Variants in HDAC9 observed in about 807,000 individuals in gnomAD.
HDAC9 encodes histone deacetylase 9, also known as MEF-2 interacting transcription repressor (MITR) protein.
In HDAC9, 41 loss-of-function variants were observed where a neutral mutation model predicts 139.4. The observed-to-expected ratio is 0.29, with a 90% CI of 0.23 to 0.38. The LOEUF (loss-of-function observed/expected upper bound fraction) is 0.38, where lower values mean the gene tolerates loss of function less well. Ranked by LOEUF, HDAC9 falls within the 10% of genes least tolerant of loss-of-function variation. HDAC9 has a pLI of 1.00. For missense variants in HDAC9, 1,147 were observed against 1,297.0 expected, an observed-to-expected ratio of 0.88 and a Z score of 1.78; for synonymous variants, 517 against 476.2, an observed-to-expected ratio of 1.09 and a Z score of -1.12.
At chr7:18,580,679 C>T (rs949589172) in intron 2 of HDAC9, among the ~76,000 whole-genome samples, 8 of 152,124 alleles carry the variant, frequency 5.3e-5, no homozygotes, top group African/African-American at 1.9e-4. Flanking sequence ...GCCACCTGTT[C>T]TAAGTAATTT....
chr7:18,743,060 T>C (rs1787602442), intron 13 of HDAC9, among the ~76,000 whole-genome samples: 1 of 152,222 alleles, frequency 6.6e-6, no homozygotes, highest in South Asian at 2.1e-4. Flanking sequence ...ATATCCGTAG[T>C]ATATTCTCAA....
chr7:18,241,473 A>G (rs541167446), intron 2 of HDAC9, among the ~76,000 whole-genome samples: 4 of 152,242 alleles, frequency 2.6e-5, no homozygotes, highest in Admixed American at 1.3e-4. Context: ...AGCTGTTTCT[A>G]TGAAGTAATC....
chr7:18,497,222 A>T (rs1400613140), intron 2 of HDAC9, among the ~76,000 whole-genome samples: 1 of 152,086 alleles, frequency 6.6e-6, no homozygotes, highest in Non-Finnish European at 1.5e-5. Flanking sequence ...GAATGTTTCA[A>T]CCTAAAATTG....
chr7:18,644,883 T>C (rs1259136824), intron 9 of HDAC9, 90 bp downstream of exon 9: 2 of 1,334,880 alleles, frequency 1.5e-6, no homozygotes, highest in South Asian at 1.7e-5. Context: ...ATTTAGACTT[T>C]AGAAAAACTT....
intron 17 of HDAC9, among the ~76,000 whole-genome samples, chr7:18,822,266 C>G (rs536504385): frequency 2.0e-5 from 3 of 152,294 alleles, no homozygotes; most frequent in Admixed American, 6.5e-5. Flanking sequence ...GAGCCCCCAG[C>G]CCCCAGTCAT....
Position 18,997,261 on chromosome 7 carries a change from C to G in HDAC9, c.*1199C>G, listed in dbSNP as rs55751905. ...TGAAGGCACTGCTTATTTGTAGTCA[C>G]CTTGAACTGACTTAACCTAGAAGCT... On this transcript the variant is annotated 3_prime_UTR_variant, in exon 26 of 26. Transcript: ENST00000686413. 6.6e-6 allele frequency: 1 copy of G among 151,132 alleles called. No individual in the cohort carries two copies. Among genetic ancestry groups the G allele is most frequent in the African/African-American group, 2.4e-5 (1 of 41,098 alleles). 9.4% of individuals were successfully genotyped at this position (151,132 alleles called of 1,614,324 possible). A position where few individuals can be genotyped will look rare whatever the true frequency, so the allele number is the denominator to read the frequency against.
At chr7:18,242,828 T>C (rs575804591) in intron 2 of HDAC9, among the ~76,000 whole-genome samples, 21 of 152,312 alleles carry the variant, frequency 1.4e-4, no homozygotes, top group African/African-American at 5.1e-4. Context: ...TCTCTTGGTC[T>C]ATTATGTACC....
chr7:18,273,571 G>T (rs539878976), intron 2 of HDAC9, among the ~76,000 whole-genome samples: 1 of 152,114 alleles, frequency 6.6e-6, no homozygotes. Flanking sequence ...AAGCACAAAA[G>T]CAATTCCAGA....
At chr7:18,378,083 G>A (rs546712357) in intron 1 of HDAC9, among the ~76,000 whole-genome samples, 46 of 152,238 alleles carry the variant, frequency 3.0e-4, no homozygotes, top group African/African-American at 1.0e-3. Flanking sequence ...TGCTCGAAGG[G>A]TTTTGAGGCA....
intron 2 of HDAC9, among the ~76,000 whole-genome samples, chr7:18,254,757 C>A (rs1795125829): frequency 6.6e-6 from 1 of 152,122 alleles, no homozygotes; most frequent in South Asian, 2.1e-4. Context: ...TAATTTAAAT[C>A]TGGCAGTTTA....
At chr7:18,329,997 G>GTC (rs1368723558) in intron 1 of HDAC9, among the ~76,000 whole-genome samples, 1 of 11,106 alleles carries the variant, frequency 9.0e-5, no homozygotes, top group Non-Finnish European at 1.9e-4. Flanking sequence ...GTGTGTGTGT[G>GTC]TGTGTGTGTT....
intron 2 of HDAC9, chr7:18,505,888 G>T (rs1487951690): frequency 6.6e-6 from 1 of 152,202 alleles, no homozygotes; most frequent in African/African-American, 2.4e-5. Flanking sequence ...CCACATGTCT[G>T]TGCCTCTCTT....
In HDAC9 at chr7:18,404,138, T is replaced by C. The variant is rs189579406; in HGVS notation, c.-41-92124T>C. Among the ~76,000 whole-genome samples the C allele has an allele frequency of 2.0e-5, 3 of 152,320 alleles. No individual in the cohort carries two copies. The East Asian group carries it at 5.8e-4, about 29-fold the overall frequency. ...GCAATACGTATCTTCAAATTTCTTC[T>C]TTGACCACATGTACTTGTCATATAA... On this transcript the variant is annotated intron_variant, in intron 1 of 3. Coordinates refer to the HDAC9 transcript ENST00000413509.
intron 2 of HDAC9, among the ~76,000 whole-genome samples, chr7:18,531,175 T>A (rs1235473628): frequency 2.0e-5 from 3 of 152,142 alleles, no homozygotes; most frequent in Non-Finnish European, 4.4e-5. Flanking sequence ...ATTCATTTAT[T>A]ATAATAATTA....
At chr7:18,988,924 T>G (rs1235050634) in intron 25 of HDAC9, among the ~76,000 whole-genome samples, 4 of 134,314 alleles carry the variant, frequency 3.0e-5, no homozygotes, top group African/African-American at 1.1e-4. Context: ...TGGTAGATCT[T>G]CCTCCATCCT....
chr7:18,096,996 T>G (rs1011454034), intron 1 of HDAC9, among the ~76,000 whole-genome samples: 2 of 151,880 alleles, frequency 1.3e-5, no homozygotes, highest in African/African-American at 4.8e-5. Flanking sequence ...TGCTGTCCAG[T>G]AAGATTTTCT....
At chr7:18,937,667 A>T (rs984210906) in intron 23 of HDAC9, among the ~76,000 whole-genome samples, 2 of 152,222 alleles carry the variant, frequency 1.3e-5, no homozygotes, top group Non-Finnish European at 2.9e-5. Flanking sequence ...GAAATATGTT[A>T]CAGAAGCATA....
At chr7:18,454,256 G>A (rs1228381699) in intron 1 of HDAC9, among the ~76,000 whole-genome samples, 1 of 152,000 alleles carries the variant, frequency 6.6e-6, no homozygotes, top group African/African-American at 2.4e-5. Context: ...CTTGGACAGT[G>A]TAATTAATCT....
chr7:18,733,015 G>A (rs1322706929), intron 13 of HDAC9, among the ~76,000 whole-genome samples: 2 of 142,618 alleles, frequency 1.4e-5, no homozygotes, highest in African/African-American at 5.5e-5. Flanking sequence ...ACATGTGTAT[G>A]TGTGTATATA....
Sources: gnomAD v4.1 joint callset for allele counts (sites outside exome capture counted in the v4.1 genomes callset) on GRCh38, gnomAD v4.1.1 for gene constraint, MANE v1.5 for transcripts, NCBI Gene and HGNC (gene_info 2026-07-23, HGNC 2026-07-21) for gene names.